The following SHISA9 variants were observed in gnomAD, a reference collection of about 807,000 sequenced individuals.
SHISA9 encodes the protein protein shisa-9.
In SHISA9, 13 loss-of-function variants were observed where a neutral mutation model predicts 38.0. The observed-to-expected ratio is 0.34, with a 90% CI of 0.22 to 0.54. The LOEUF (loss-of-function observed/expected upper bound fraction) is 0.54, where lower values mean the gene tolerates loss of function less well. Ranked by LOEUF, SHISA9 falls within the 20% of genes least tolerant of loss-of-function variation. SHISA9 has a pLI of 0.91. For missense variants in SHISA9, 538 were observed against 575.8 expected (o/e 0.93, Z 0.67); for synonymous variants, 275 against 242.0 (o/e 1.14, Z -1.27).
At chr16:13,407,648 G>A in the SHISA9 span, among the ~76,000 whole-genome samples, 1 of 152,204 alleles carries the variant, frequency 6.6e-6, no homozygotes, top group South Asian at 2.1e-4. Flanking sequence ...CTGTCTAAGG[G>A]GATGAATTTG....
In SHISA9 at chr16:12,939,412, A is replaced by G. The variant is rs563684977; in HGVS notation, c.691+22597A>G. ...AAGTAGTTTCTTTTGAATATCCCTG[A>G]TTGGCCCATACTTTTCCTCCCAGAG... On this transcript the variant is annotated intron_variant, in intron 2 of 4. Coordinates refer to ENST00000558583, the MANE Select transcript of SHISA9 (RefSeq NM_001145204.3). 2.0e-5 allele frequency among the ~76,000 whole-genome samples: 3 copies of G among 152,234 alleles called. No individual in the cohort carries two copies. In the South Asian group the frequency reaches 6.2e-4, roughly 32 times the overall value.
chr16:13,547,543 G>A, the SHISA9 span, among the ~76,000 whole-genome samples: 1 of 152,168 alleles, frequency 6.6e-6, no homozygotes. Context: ...GTATATCCTA[G>A]CTCAAGAAGA....
At chr16:13,217,294 TA>T (rs1481933359) in intron 4 of SHISA9, among the ~76,000 whole-genome samples, 33 of 151,736 alleles carry the variant, frequency 2.2e-4, no homozygotes, top group Admixed American at 1.1e-3. Context: ...AATAAATAAA[TA>T]AATTAATTAA....
chr16:13,366,802 G>A, the SHISA9 span, among the ~76,000 whole-genome samples: 1 of 152,110 alleles, frequency 6.6e-6, no homozygotes, highest in Non-Finnish European at 1.5e-5. Flanking sequence ...GGCCAACATG[G>A]TGAAACCCCA....
chr16:13,152,433 A>G (rs1164077446), intron 2 of SHISA9, among the ~76,000 whole-genome samples: 6 of 152,206 alleles, frequency 3.9e-5, no homozygotes, highest in Admixed American at 1.3e-4. Flanking sequence ...TACATGATCT[A>G]TTGGAAGAAA....
At chr16:12,988,576 G>C (rs902176351) in intron 2 of SHISA9, among the ~76,000 whole-genome samples, 9 of 152,206 alleles carry the variant, frequency 5.9e-5, no homozygotes, top group Admixed American at 3.3e-4. Context: ...CAAGGCTGGA[G>C]TGCAGTGGCG....
chr16:13,057,971 G>T lies in SHISA9; in HGVS notation c.691+141156G>T, dbSNP rs1206196547. On this transcript the variant is annotated intron_variant, in intron 2 of 4. Transcript: ENST00000558583. The stretch of plus-strand genomic sequence containing the variant: ...CAAGCTCCATCCATGCTCCTGCAAA[G>T]GACATGATCTCGTTCCTTTTTATGG... Among the ~76,000 whole-genome samples the T allele has an allele frequency of 3.3e-5, 5 of 152,170 alleles. No homozygotes were observed. In the South Asian group the frequency reaches 8.3e-4, roughly 25 times the overall value.
chr16:13,314,467 T>A, the SHISA9 span, among the ~76,000 whole-genome samples: 1 of 152,148 alleles, frequency 6.6e-6, no homozygotes, highest in African/African-American at 2.4e-5. Flanking sequence ...CTCAAACTCC[T>A]GACCTTTGGT....
At chr16:13,040,242 C>T (rs902574990) in intron 2 of SHISA9, among the ~76,000 whole-genome samples, 1 of 152,186 alleles carries the variant, frequency 6.6e-6, no homozygotes, top group African/African-American at 2.4e-5. Context: ...CTTCTTGCTC[C>T]TGCTCTTCTA....
intron 2 of SHISA9, among the ~76,000 whole-genome samples, chr16:13,162,413 T>A (rs2142013708): frequency 6.6e-6 from 1 of 152,314 alleles, no homozygotes. Flanking sequence ...TATAGGACTG[T>A]CAAGGAAAAA....
chr16:13,081,774 C>G (rs1272939528), intron 2 of SHISA9, among the ~76,000 whole-genome samples: 1 of 151,690 alleles, frequency 6.6e-6, no homozygotes, highest in African/African-American at 2.4e-5. Flanking sequence ...ACTGCTTGAA[C>G]CCGGGAGGCA....
intron 2 of SHISA9, among the ~76,000 whole-genome samples, chr16:13,063,443 T>C (rs1044855745): frequency 5.3e-5 from 8 of 152,062 alleles, no homozygotes; most frequent in Admixed American, 3.3e-4. Context: ...ACACAAAGCA[T>C]GTTCACCATC....
At chr16:13,177,132 G>A (rs1204478340) in intron 2 of SHISA9, among the ~76,000 whole-genome samples, 1 of 152,198 alleles carries the variant, frequency 6.6e-6, no homozygotes, top group African/African-American at 2.4e-5. Context: ...TGGGGAATTT[G>A]AGGGTTATGA....
intron 2 of SHISA9, among the ~76,000 whole-genome samples, chr16:13,164,174 C>T (rs368496972): frequency 2.6e-4 from 40 of 152,036 alleles, no homozygotes; most frequent in African/African-American, 9.2e-4. Flanking sequence ...TCCTAGTTTG[C>T]TGAAAGTTTT....
At chr16:13,204,508 C>T (rs1041293527) in intron 3 of SHISA9, among the ~76,000 whole-genome samples, 2 of 152,198 alleles carry the variant, frequency 1.3e-5, no homozygotes, top group Non-Finnish European at 2.9e-5. Context: ...ATCTAGGTCT[C>T]TCCATCCCAG....
the SHISA9 span, among the ~76,000 whole-genome samples, chr16:13,529,677 T>G: frequency 6.6e-6 from 1 of 152,206 alleles, no homozygotes; most frequent in Non-Finnish European, 1.5e-5. Flanking sequence ...AGAGTTTGTT[T>G]TTTTCCACCA....
chr16:13,349,394 ACT>A, the SHISA9 span, among the ~76,000 whole-genome samples: 1 of 152,132 alleles, frequency 6.6e-6, no homozygotes, highest in African/African-American at 2.4e-5. Flanking sequence ...TAGGGGACAG[ACT>A]CTAGAGATGC....
At chr16:13,064,060 G>A (rs186089327) in intron 2 of SHISA9, among the ~76,000 whole-genome samples, 97 of 152,242 alleles carry the variant, frequency 6.4e-4, no homozygotes, top group Non-Finnish European at 1.1e-3. Flanking sequence ...TTGCGTCCAC[G>A]TTTAATTTCC....
At chr16:13,436,734 C>T in the SHISA9 span, among the ~76,000 whole-genome samples, 2 of 152,050 alleles carry the variant, frequency 1.3e-5, no homozygotes, top group Non-Finnish European at 2.9e-5. Flanking sequence ...CAACTTTAGG[C>T]ACCTGTTACT....
Sources: allele counts gnomAD v4.1 joint callset (sites outside exome capture counted in the v4.1 genomes callset), GRCh38; gene constraint gnomAD v4.1.1; transcripts MANE v1.5; gene names NCBI Gene and HGNC (gene_info 2026-07-23, HGNC 2026-07-21).